MACROD2: variants seen among roughly 807,000 people sequenced by gnomAD.
MACROD2 encodes ADP-ribose glycohydrolase MACROD2.
MACROD2 carries 36 observed loss-of-function variants against 70.4 expected under a neutral mutation model. The ratio of observed to expected loss-of-function variants is 0.51; its 90% confidence interval spans 0.39 to 0.68. The LOEUF is 0.68. Ranked by LOEUF, MACROD2 falls within the 30% of genes least tolerant of loss-of-function variation. The pLI is 0.00. For synonymous variants in MACROD2, 172 were observed against 178.8 expected (o/e 0.96, Z 0.30); for missense variants, 496 against 538.4 (o/e 0.92, Z 0.78).
chr20:15,274,006 G>A (rs770249072), intron 6 of MACROD2, among the ~76,000 whole-genome samples: 12 of 152,118 alleles, frequency 7.9e-5, no homozygotes, highest in African/African-American at 1.2e-4. Flanking sequence ...TTGTAATGAC[G>A]ACTACATGGT....
chr20:14,081,849 A>G (rs529091389), intron 2 of MACROD2, among the ~76,000 whole-genome samples: 1 of 152,200 alleles, frequency 6.6e-6, no homozygotes, highest in Non-Finnish European at 1.5e-5. Flanking sequence ...TTGGCATACT[A>G]TGTGAGGAAT....
At chr20:14,406,862 A>T (rs915088731) in intron 3 of MACROD2, among the ~76,000 whole-genome samples, 1 of 152,106 alleles carries the variant, frequency 6.6e-6, no homozygotes, top group Non-Finnish European at 1.5e-5. Context: ...ATGATCCCAA[A>T]ATTAAGTTTC....
chr20:15,591,682 C>T (rs1350366998), intron 8 of MACROD2, among the ~76,000 whole-genome samples: 1 of 141,452 alleles, frequency 7.1e-6, no homozygotes, highest in Non-Finnish European at 1.5e-5. Flanking sequence ...TTTATTTTTT[C>T]ATCTTTAACC....
intron 6 of MACROD2, among the ~76,000 whole-genome samples, chr20:15,314,743 G>A (rs1449641565): frequency 6.6e-6 from 1 of 152,200 alleles, no homozygotes; most frequent in African/African-American, 2.4e-5. Context: ...GGGGCAAAAG[G>A]TTGTAGTTGA....
chr20:15,855,433 G>T (rs542272336), intron 8 of MACROD2, among the ~76,000 whole-genome samples: 1 of 152,204 alleles, frequency 6.6e-6, no homozygotes, highest in Non-Finnish European at 1.5e-5. Flanking sequence ...TAGGAGGTCA[G>T]CTTGTAAAGG....
At position 15,399,219 on chromosome 20, in the gene MACROD2, T is replaced by C. The variant is rs149141441; in HGVS notation, c.541-32186T>C. 3.9e-5 allele frequency among the ~76,000 whole-genome samples: 6 copies of C among 152,266 alleles called. No homozygotes were observed. In the East Asian group the frequency reaches 1.2e-3, roughly 29 times the overall value. On this transcript the variant is annotated intron_variant, in intron 6 of 17. Transcript: ENST00000684519. ...TACAAATTGTTGACACAGTTCCTAA[T>C]AGAATACAGTCACCCTCCTTCTACA...
chr20:14,957,286 T>C (rs1169017087), intron 5 of MACROD2, among the ~76,000 whole-genome samples: 1 of 152,194 alleles, frequency 6.6e-6, no homozygotes, highest in Non-Finnish European at 1.5e-5. Context: ...AAACATTGAT[T>C]TTCCCCACAT....
intron 8 of MACROD2, among the ~76,000 whole-genome samples, chr20:15,623,013 C>A (rs954331656): frequency 6.6e-6 from 1 of 152,008 alleles, no homozygotes; most frequent in Non-Finnish European, 1.5e-5. Context: ...GATATCAATG[C>A]GTTAATTCTG....
Position 14,134,899 on chromosome 20 carries a change from A to G in MACROD2, c.271+49171A>G, listed in dbSNP as rs150807525. ...GCAAAAGGAGAGAAATCACTTTATAACTTATAACCATGAAGCTATTTCCAT... is the reference window on the plus strand; with the variant it reads ...GCAAAAGGAGAGAAATCACTTTATAGCTTATAACCATGAAGCTATTTCCAT... On this transcript the variant is annotated intron_variant, in intron 3 of 17. Transcript: ENST00000684519. 5.0e-3 allele frequency among the ~76,000 whole-genome samples: 759 copies of G among 152,140 alleles called. 3 individuals carry two copies. The highest frequency in any genetic ancestry group is 8.0e-3 in the Non-Finnish European group (547 of 68,004).
Position 14,585,926 on chromosome 20 carries a change from A to G in MACROD2, c.301+92418A>G, listed in dbSNP as rs945613335. On this transcript the variant is annotated intron_variant, in intron 4 of 17. Transcript: ENST00000684519. ...CTGTTATTAAGACCTTTTGAGGCCA[A>G]CCATTTAAACACCACTAGGTAACAC... 3.3e-5 allele frequency among the ~76,000 whole-genome samples: 5 copies of G among 152,164 alleles called. No individual in the cohort carries two copies. The South Asian group carries it at 1.0e-3, about 32-fold the overall frequency.
chr20:14,751,939 T>C (rs204092), intron 5 of MACROD2, among the ~76,000 whole-genome samples: 89,320 of 151,544 alleles, frequency 0.59, 26,672 homozygotes, highest in Non-Finnish European at 0.62. Flanking sequence ...TACTATAGGC[T>C]TTTGCCTTCT....
chr20:14,345,622 G>A (rs1381266764), intron 3 of MACROD2, among the ~76,000 whole-genome samples: 2 of 151,988 alleles, frequency 1.3e-5, no homozygotes, highest in Non-Finnish European at 1.5e-5. Context: ...GTAGAGATGG[G>A]TTTTGCCATA....
intron 3 of MACROD2, among the ~76,000 whole-genome samples, chr20:14,189,282 G>C (rs545715119): frequency 2.3e-4 from 35 of 152,222 alleles, no homozygotes; most frequent in Non-Finnish European, 3.4e-4. Flanking sequence ...TGATCTTAGA[G>C]ATAATTGAAC....
At chr20:14,120,720 A>G (rs781243332) in intron 3 of MACROD2, among the ~76,000 whole-genome samples, 14 of 151,558 alleles carry the variant, frequency 9.2e-5, no homozygotes, top group African/African-American at 3.4e-4. Flanking sequence ...TGAAATCAGA[A>G]CACCATGGAA....
chr20:15,555,736 G>GA (rs2048157075), intron 8 of MACROD2, among the ~76,000 whole-genome samples: 1 of 148,602 alleles, frequency 6.7e-6, no homozygotes, highest in African/African-American at 2.5e-5. Context: ...GGCTGAGGCA[G>GA]GAGAATTGCT....
At chr20:15,058,109 C>A (rs767405109) in intron 5 of MACROD2, among the ~76,000 whole-genome samples, 27 of 152,050 alleles carry the variant, frequency 1.8e-4, no homozygotes, top group Admixed American at 1.8e-3. Context: ...GGCTGCTCGA[C>A]GTAGGGGAAG....
intron 4 of MACROD2, among the ~76,000 whole-genome samples, chr20:14,661,100 G>A (rs941100318): frequency 6.6e-6 from 1 of 152,076 alleles, no homozygotes; most frequent in African/African-American, 2.4e-5. Context: ...TGGTAATTCT[G>A]TTTCTAGTTC....
At chr20:15,766,729 A>G (rs2147007784) in intron 8 of MACROD2, among the ~76,000 whole-genome samples, 1 of 152,340 alleles carries the variant, frequency 6.6e-6, no homozygotes, top group East Asian at 1.9e-4. Context: ...GGAATTTGCA[A>G]CAATTCTTTT....
At chr20:15,579,332 A>G (rs762410622) in intron 8 of MACROD2, among the ~76,000 whole-genome samples, 2 of 152,210 alleles carry the variant, frequency 1.3e-5, no homozygotes, top group Admixed American at 1.3e-4. Context: ...AATACCTCCA[A>G]GAAGCAACAA....
Sources: allele counts gnomAD v4.1 joint callset (sites outside exome capture counted in the v4.1 genomes callset), GRCh38; gene constraint gnomAD v4.1.1; transcripts MANE v1.5; gene names NCBI Gene and HGNC (gene_info 2026-07-23, HGNC 2026-07-21).